The following OSBP2 variants were observed in gnomAD, a reference collection of about 807,000 sequenced individuals.
OSBP2 encodes the protein oxysterol binding protein 2, also known as oxysterol-binding protein 2.
A neutral mutation model predicts 96.0 loss-of-function variants in OSBP2; 66 were observed. That is an observed-to-expected ratio of 0.69 (90% CI 0.56 to 0.84). The LOEUF (loss-of-function observed/expected upper bound fraction) is 0.84, where lower values mean the gene tolerates loss of function less well. OSBP2 is among the 40% of genes least tolerant of loss of function. OSBP2 has a pLI of 0.00. For synonymous variants in OSBP2, 525 were observed against 520.9 expected (o/e 1.01, Z -0.11); for missense variants, 1,038 against 1,222.7 (o/e 0.85, Z 2.25).
chr22:30,754,104 C>G (rs2090112265), intron 2 of OSBP2, among the ~76,000 whole-genome samples: 1 of 152,148 alleles, frequency 6.6e-6, no homozygotes, highest in African/African-American at 2.4e-5. Context: ...GTCTTTCTTT[C>G]TGCTGCTTGG....
At chr22:30,777,802 G>A (rs559172043) in intron 2 of OSBP2, among the ~76,000 whole-genome samples, 27 of 152,266 alleles carry the variant, frequency 1.8e-4, no homozygotes, top group Non-Finnish European at 3.7e-4. Context: ...AGCCCTATTA[G>A]TGAAGCTGGG....
At chr22:30,893,777 G>T (rs1164952120) in intron 11 of OSBP2, 40 bp from the exon 12 acceptor site, 1 of 1,609,810 alleles carries the variant, frequency 6.2e-7, no homozygotes, top group Non-Finnish European at 8.5e-7. Context: ...GGGGCCCAGG[G>T]CAGAGTCTGC....
At chr22:30,850,107 A>T (rs988264458) in intron 2 of OSBP2, among the ~76,000 whole-genome samples, 1 of 152,088 alleles carries the variant, frequency 6.6e-6, no homozygotes, top group Non-Finnish European at 1.5e-5. Context: ...GTTTAAGTCC[A>T]GCCTGGCCAA....
At chr22:30,710,811 A>G (rs981623810) in intron 1 of OSBP2, among the ~76,000 whole-genome samples, 1 of 151,978 alleles carries the variant, frequency 6.6e-6, no homozygotes, top group African/African-American at 2.4e-5. Flanking sequence ...GGGTTTCACC[A>G]TGTTGGCCAG....
At chr22:30,842,468 A>G (rs1233325382) in intron 2 of OSBP2, among the ~76,000 whole-genome samples, 1 of 152,084 alleles carries the variant, frequency 6.6e-6, no homozygotes, top group Non-Finnish European at 1.5e-5. Context: ...AAAATAAGAC[A>G]ACACTGAAGT....
At chr22:30,781,614 G>A (rs2090520320) in intron 2 of OSBP2, among the ~76,000 whole-genome samples, 1 of 152,152 alleles carries the variant, frequency 6.6e-6, no homozygotes, top group Admixed American at 6.5e-5. Context: ...GGCCCTGAGT[G>A]GACTCAAATG....
chr22:30,797,773 G>C (rs934281308), intron 2 of OSBP2, among the ~76,000 whole-genome samples: 2 of 151,550 alleles, frequency 1.3e-5, no homozygotes, highest in African/African-American at 4.9e-5. Flanking sequence ...TGTACTTTTC[G>C]TAGAGAGATG....
intron 2 of OSBP2, among the ~76,000 whole-genome samples, chr22:30,793,402 A>G (rs1336838336): frequency 2.0e-5 from 3 of 152,110 alleles, no homozygotes; most frequent in Non-Finnish European, 4.4e-5. Context: ...ACACTGGTTC[A>G]CACCAGTAAT....
intron 1 of OSBP2, among the ~76,000 whole-genome samples, chr22:30,718,348 C>G (rs1404887695): frequency 6.6e-6 from 1 of 152,202 alleles, no homozygotes; most frequent in Admixed American, 6.5e-5. Flanking sequence ...CTAACGATCA[C>G]ATCCTTTAGC....
At chr22:30,792,649 G>A (rs969055799) in intron 2 of OSBP2, among the ~76,000 whole-genome samples, 5 of 152,120 alleles carry the variant, frequency 3.3e-5, no homozygotes, top group African/African-American at 1.2e-4. Flanking sequence ...TGTACTCTTC[G>A]GCCAATTATC....
chr22:30,761,500 G>A (rs1602227804), intron 2 of OSBP2, among the ~76,000 whole-genome samples: 2 of 152,264 alleles, frequency 1.3e-5, no homozygotes, highest in South Asian at 4.1e-4. Flanking sequence ...GAGTAAAGAC[G>A]TCAGTTTTCC....
intron 2 of OSBP2, among the ~76,000 whole-genome samples, chr22:30,789,656 CT>C (rs1305039628): frequency 6.6e-6 from 1 of 152,202 alleles, no homozygotes; most frequent in Non-Finnish European, 1.5e-5. Context: ...TTTCTTTAGG[CT>C]TCCAAGGCTG....
At chr22:30,891,475 G>A (rs988241775) in intron 8 of OSBP2, among the ~76,000 whole-genome samples, 9 of 152,328 alleles carry the variant, frequency 5.9e-5, no homozygotes, top group South Asian at 2.1e-4. Context: ...GAACCTGGGC[G>A]TCCTGGTTGG....
intron 2 of OSBP2, among the ~76,000 whole-genome samples, chr22:30,851,511 C>A (rs918531950): frequency 3.3e-5 from 5 of 152,188 alleles, no homozygotes; most frequent in African/African-American, 1.2e-4. Context: ...CTTTCTAACA[C>A]AATGTGATCA....
At chr22:30,754,216 G>A (rs934286429) in intron 2 of OSBP2, among the ~76,000 whole-genome samples, 1 of 152,122 alleles carries the variant, frequency 6.6e-6, no homozygotes, top group Non-Finnish European at 1.5e-5. Flanking sequence ...CCCTGGATGT[G>A]TTTTCCCTGC....
In OSBP2 at chr22:30,743,666, G is replaced by C. The variant is rs5753303; in HGVS notation, c.853+2297G>C. Among the ~76,000 whole-genome samples, 256 of 152,062 alleles carry C rather than the reference G, an allele frequency of 1.7e-3. 1 individual carries two copies. The highest frequency in any genetic ancestry group is 5.7e-3 in the African/African-American group (236 of 41,502). Reference sequence around the variant, plus strand: ...CTAGAGATCTAGCTTCCTCTCCCTGGTTTCGCTTTTCTAAGTATAAATAAA... The same window carrying C: ...CTAGAGATCTAGCTTCCTCTCCCTGCTTTCGCTTTTCTAAGTATAAATAAA... On this transcript the variant is annotated intron_variant, in intron 2 of 13. Coordinates refer to ENST00000332585, the MANE Select transcript of OSBP2 (RefSeq NM_030758.4).
chr22:30,723,067 G>A (rs1417824748), intron 1 of OSBP2, among the ~76,000 whole-genome samples: 2 of 151,920 alleles, frequency 1.3e-5, no homozygotes. Flanking sequence ...GGGATTACAG[G>A]CATGAGCCAC....
intron 2 of OSBP2, among the ~76,000 whole-genome samples, chr22:30,761,069 ATG>A (rs2090199482): frequency 6.6e-6 from 1 of 152,182 alleles, no homozygotes; most frequent in Non-Finnish European, 1.5e-5. Flanking sequence ...AAAGTCAAGG[ATG>A]TCCATGCTCA....
At chr22:30,742,267 C>T (rs1243710376) in intron 2 of OSBP2, among the ~76,000 whole-genome samples, 1 of 151,776 alleles carries the variant, frequency 6.6e-6, no homozygotes, top group Admixed American at 6.6e-5. Flanking sequence ...CCTGTCTGTA[C>T]TAAAGATACA....
Sources: gnomAD v4.1 joint callset for allele counts (sites outside exome capture counted in the v4.1 genomes callset) on GRCh38, gnomAD v4.1.1 for gene constraint, MANE v1.5 for transcripts, NCBI Gene and HGNC (gene_info 2026-07-23, HGNC 2026-07-21) for gene names.